Variants in TFPI observed in about 807,000 individuals in gnomAD.
TFPI encodes the protein tissue factor pathway inhibitor.
TFPI carries 15 observed loss-of-function variants against 34.6 expected under a neutral mutation model. That is an observed-to-expected ratio of 0.43 (90% CI 0.29 to 0.67). The LOEUF (loss-of-function observed/expected upper bound fraction) is 0.67. TFPI is among the 30% of genes least tolerant of loss of function. The pLI, the probability that TFPI is intolerant of heterozygous loss-of-function variation, is 0.15. For missense variants in TFPI, 301 were observed against 364.0 expected (o/e 0.83, Z 1.41); for synonymous variants, 105 against 120.1 (o/e 0.87, Z 0.82).
chr2:187,519,448 C>G lies in TFPI; in HGVS notation c.-2-15678G>C, dbSNP rs555854070. ...AGTTTGCCTGAGGTCCACTCCAGAC[C>G]CTGTTTGCCTGGGTATCACCAGCAG... On this transcript the variant is annotated intron_variant, in intron 1 of 7. Transcript: ENST00000233156. 5.9e-5 allele frequency: 9 copies of G among 153,326 alleles called. No homozygotes were observed. The East Asian group carries it at 1.5e-3, about 26-fold the overall frequency. The allele number at this position is 153,326 out of a possible 1,614,324, so 9.5% of individuals were successfully genotyped here. A position where few individuals can be genotyped will look rare whatever the true frequency, so the allele number is the denominator to read the frequency against.
At chr2:187,487,572 T>C (rs1007365371) in intron 4 of TFPI, among the ~76,000 whole-genome samples, 2 of 151,456 alleles carry the variant, frequency 1.3e-5, no homozygotes, top group Non-Finnish European at 3.0e-5. Context: ...CTTTGTTCAA[T>C]ATTTTCTCAT....
intron 1 of TFPI, among the ~76,000 whole-genome samples, chr2:187,510,478 A>T (rs1488352275): frequency 2.6e-5 from 4 of 152,222 alleles, no homozygotes; most frequent in African/African-American, 7.2e-5. Flanking sequence ...AATGCAAATA[A>T]CACCCTTCTA....
At chr2:187,503,588 T>G (rs1202277636) in intron 2 of TFPI, 60 bp downstream of exon 2, 2 of 1,565,808 alleles carry the variant, frequency 1.3e-6, no homozygotes, top group Non-Finnish European at 1.7e-6. Flanking sequence ...TGGTAGATTT[T>G]TTAGATTAAA....
chr2:187,482,369 G>C lies in TFPI; in HGVS notation c.628+1755C>G, dbSNP rs551593795. Reference sequence around the variant, plus strand: ...ATAATAACTGAATAAAACAAAATACGAGTGAAAAATACAAAGCTGGAAAGA... The same window carrying C: ...ATAATAACTGAATAAAACAAAATACCAGTGAAAAATACAAAGCTGGAAAGA... On this transcript the variant is annotated intron_variant, in intron 6 of 7. Transcript: ENST00000233156. 2.6e-5 allele frequency among the ~76,000 whole-genome samples: 4 copies of C among 151,966 alleles called. No individual in the cohort carries two copies. In the South Asian group the frequency reaches 8.3e-4, roughly 32 times the overall value.
chr2:187,494,440 G>A (rs1473682618), intron 3 of TFPI, among the ~76,000 whole-genome samples: 1 of 152,192 alleles, frequency 6.6e-6, no homozygotes, highest in African/African-American at 2.4e-5. Context: ...AAGCAGGGGA[G>A]ACTGCAGGGC....
At chr2:187,514,950 A>G (rs1327543488) in intron 1 of TFPI, 2 of 152,232 alleles carry the variant, frequency 1.3e-5, no homozygotes, top group Non-Finnish European at 2.9e-5. Flanking sequence ...AACAGCAACG[A>G]GCTTTTCATG....
At chr2:187,546,182 A>G (rs984719578) in intron 1 of TFPI, among the ~76,000 whole-genome samples, 6 of 151,980 alleles carry the variant, frequency 3.9e-5, no homozygotes, top group Admixed American at 3.9e-4. Context: ...AATGAATAGT[A>G]TTTTAATATG....
intron 1 of TFPI, among the ~76,000 whole-genome samples, chr2:187,552,650 T>G (rs1026870950): frequency 6.6e-6 from 1 of 151,282 alleles, no homozygotes; most frequent in Admixed American, 6.6e-5. Context: ...TCCAAAGGAG[T>G]TTTGATTTAG....
intron 1 of TFPI, among the ~76,000 whole-genome samples, chr2:187,504,166 T>A (rs1173135296): frequency 2.0e-5 from 3 of 152,136 alleles, no homozygotes; most frequent in Non-Finnish European, 4.4e-5. Context: ...GAACCAATAA[T>A]TATTTAGGCA....
At chr2:187,543,124 G>A (rs1553538796) in intron 1 of TFPI, among the ~76,000 whole-genome samples, 1 of 152,090 alleles carries the variant, frequency 6.6e-6, no homozygotes, top group Non-Finnish European at 1.5e-5. Context: ...TTTTCTACAT[G>A]TGTTCTTTCA....
intron 5 of TFPI, 79 bp downstream of exon 5, chr2:187,484,732 T>A: frequency 7.5e-7 from 1 of 1,330,714 alleles, no homozygotes; most frequent in Non-Finnish European, 1.0e-6. Flanking sequence ...AAAACCTGAG[T>A]ATAGAATGCC....
intron 1 of TFPI, among the ~76,000 whole-genome samples, chr2:187,505,392 G>A (rs528250498): frequency 3.3e-5 from 5 of 152,144 alleles, no homozygotes; most frequent in Admixed American, 2.6e-4. Flanking sequence ...TGACAAATTT[G>A]GATCATCAGT....
chr2:187,489,728 G>A (rs905626381), intron 3 of TFPI, among the ~76,000 whole-genome samples: 6 of 151,348 alleles, frequency 4.0e-5, no homozygotes, highest in African/African-American at 9.7e-5. Context: ...ATTGTAAATA[G>A]GATTAATTCA....
chr2:187,511,676 T>C (rs1172314816), intron 1 of TFPI, among the ~76,000 whole-genome samples: 1 of 152,080 alleles, frequency 6.6e-6, no homozygotes, highest in East Asian at 1.9e-4. Context: ...GTTTCAAAGG[T>C]ATGGCACAAG....
At chr2:187,491,159 T>G (rs926148120) in intron 3 of TFPI, among the ~76,000 whole-genome samples, 2 of 152,038 alleles carry the variant, frequency 1.3e-5, no homozygotes, top group East Asian at 3.8e-4. Flanking sequence ...GCACTTTTTT[T>G]CTCTTTCAGT....
chr2:187,538,527 T>G (rs531543805), intron 1 of TFPI, among the ~76,000 whole-genome samples: 1 of 151,884 alleles, frequency 6.6e-6, no homozygotes, highest in East Asian at 1.9e-4. Context: ...TAAGTGGGAG[T>G]TGAACAATGA....
At chr2:187,530,839 A>AT (rs890806765) in intron 1 of TFPI, among the ~76,000 whole-genome samples, 16 of 151,892 alleles carry the variant, frequency 1.1e-4, no homozygotes, top group African/African-American at 2.9e-4. Context: ...TTTATTTTGT[A>AT]TTTTTTTTAC....
chr2:187,505,154 A>G (rs1014027713), intron 1 of TFPI, among the ~76,000 whole-genome samples: 1 of 151,932 alleles, frequency 6.6e-6, no homozygotes, highest in Non-Finnish European at 1.5e-5. Flanking sequence ...ATTTATTTCC[A>G]TTTGATTCTT....
In TFPI at chr2:187,530,818, G is replaced by A. The variant is rs1237644929; in HGVS notation, c.-3+23382C>T. The stretch of plus-strand genomic sequence containing the variant: ...AAATCTTTTATGAATTAAAAATTCG[G>A]TAAAAATTGTTTTATTTTGTATTTT... On this transcript the variant is annotated intron_variant, in intron 1 of 7. Transcript: ENST00000233156. Among the ~76,000 whole-genome samples the A allele has an allele frequency of 2.0e-5, 3 of 152,056 alleles. No homozygotes were observed. In the East Asian group the frequency reaches 5.8e-4, roughly 29 times the overall value.
Sources: gnomAD v4.1 joint callset for allele counts (sites outside exome capture counted in the v4.1 genomes callset) on GRCh38, gnomAD v4.1.1 for gene constraint, MANE v1.5 for transcripts, NCBI Gene and HGNC (gene_info 2026-07-23, HGNC 2026-07-21) for gene names.